Variants in KATNIP observed in about 807,000 individuals in gnomAD.
KATNIP encodes the protein katanin interacting protein.
Under a neutral mutation model 174.0 loss-of-function variants are expected in KATNIP, and 126 were observed. The ratio of observed to expected loss-of-function variants is 0.72; its 90% CI spans 0.63 to 0.84. The LOEUF (loss-of-function observed/expected upper bound fraction) is 0.84. Ranked by LOEUF, KATNIP falls within the 40% of genes least tolerant of loss-of-function variation. KATNIP has a pLI of 0.00. For missense variants in KATNIP, 1,958 were observed against 2,109.7 expected (o/e 0.93, Z 1.41); for synonymous variants, 810 against 835.7 (o/e 0.97, Z 0.53).
chr16:27,630,484 A>C (rs949087611), intron 4 of KATNIP, among the ~76,000 whole-genome samples: 1 of 152,248 alleles, frequency 6.6e-6, no homozygotes, highest in Non-Finnish European at 1.5e-5. Context: ...GAGCCACTAC[A>C]GTTGAACTCA....
intron 1 of KATNIP, among the ~76,000 whole-genome samples, chr16:27,559,436 C>G (rs1251193837): frequency 1.3e-5 from 2 of 150,842 alleles, no homozygotes; most frequent in Admixed American, 1.3e-4. Flanking sequence ...AGTCCTAGCA[C>G]TTTGGGAGGC....
intron 13 of KATNIP, among the ~76,000 whole-genome samples, chr16:27,715,433 C>T (rs189750090): frequency 3.3e-5 from 5 of 152,252 alleles, no homozygotes; most frequent in African/African-American, 7.2e-5. Flanking sequence ...CAAGAAAAAA[C>T]GGATAAGTCA....
rs2081078390 is a variant in KATNIP at position 27,740,845 on chromosome 16, C to T, written c.2548C>T (p.Pro850Ser). The change falls in exon 15 of 28, where the codon CCT becomes TCT. Residue 850 changes from proline to serine, a missense_variant. Around this residue, in one of 3 missense-constraint regions of KATNIP, gnomAD observed 1,557 missense variants for 1,617.8 expected, o/e 0.96. Transcript: ENST00000261588. ...TAACCAGCCCCCCAACAGAGAGCGC[C>T]CTGCTAGTGGGAGGAGGGGCTCAAG... ...IFNQPPNRER[P>S]ASGRRGSRKD... The T allele has an allele frequency of 4.3e-6, 7 of 1,612,678 alleles. No individual in the cohort carries two copies. Among genetic ancestry groups the T allele is most frequent in the Non-Finnish European group, 5.9e-6 (7 of 1,179,370 alleles).
intron 2 of KATNIP, among the ~76,000 whole-genome samples, chr16:27,606,732 C>CT (rs112061995): frequency 5.6e-4 from 81 of 144,572 alleles, no homozygotes; most frequent in East Asian, 6.0e-4. Flanking sequence ...ATTTTTCTAA[C>CT]TTTTTTTTTT....
rs1330865569 is a variant in KATNIP at position 27,777,902 on chromosome 16, T to C, written c.4734T>C (p.Asp1578=). 2 of 1,614,110 alleles carry C rather than the reference T, an allele frequency of 1.2e-6. No homozygotes were observed. The highest frequency in any genetic ancestry group is 1.3e-5 in the African/African-American group (1 of 74,952). ...TCAGTAATCAGGCCGAGGATCAAGA[T>C]GTCCAGATGATGAATGAAAACCAAA... ...TTISNQAEDQ[D]VQMMNENQII... The change falls in exon 27 of 28, where the codon GAT becomes GAC. Residue 1578 remains aspartate (D), a synonymous_variant. Coordinates refer to ENST00000261588, the MANE Select transcript of KATNIP (RefSeq NM_015202.5). The surrounding 1 kb of genome is among the most constrained non-coding windows in gnomAD (Gnocchi z 4.4).
intron 6 of KATNIP, among the ~76,000 whole-genome samples, chr16:27,661,003 G>C (rs1252532714): frequency 6.6e-6 from 1 of 152,196 alleles, no homozygotes; most frequent in African/African-American, 2.4e-5. Flanking sequence ...CAATGAGTGA[G>C]TGGTATAGCT....
chr16:27,759,197 A>G (rs1332732490), intron 18 of KATNIP, among the ~76,000 whole-genome samples: 1 of 152,226 alleles, frequency 6.6e-6, no homozygotes, highest in Non-Finnish European at 1.5e-5. Flanking sequence ...TCCTGGCCTC[A>G]GGGAACTTCC....
At chr16:27,607,001 A>G (rs542304735) in intron 2 of KATNIP, among the ~76,000 whole-genome samples, 3 of 152,102 alleles carry the variant, frequency 2.0e-5, no homozygotes, top group African/African-American at 7.2e-5. Context: ...GGCTCATATC[A>G]CTAGTAATTG....
intron 2 of KATNIP, among the ~76,000 whole-genome samples, chr16:27,613,305 G>A (rs965400705): frequency 1.3e-5 from 2 of 152,048 alleles, no homozygotes; most frequent in Non-Finnish European, 2.9e-5. Flanking sequence ...ATTTCACCAC[G>A]ATCCCTAGGT....
In KATNIP at chr16:27,780,210, C is replaced by T. The variant is rs969351718; in HGVS notation, c.*1581C>T. 4 of 152,258 alleles carry T rather than the reference C, an allele frequency of 2.6e-5. No homozygotes were observed. The highest frequency in any genetic ancestry group is 7.2e-5 in the African/African-American group (3 of 41,524). The allele number at this position is 152,258 out of a possible 1,614,324, so 9.4% of individuals were successfully genotyped here. A position where few individuals can be genotyped will look rare whatever the true frequency, so the allele number is the denominator to read the frequency against. The stretch of plus-strand genomic sequence containing the variant: ...AGATTTGTCAGGGAGATGGCACTAA[C>T]ACGACACAAGCTCACTCCCAGAACC... On this transcript the variant is annotated 3_prime_UTR_variant, in exon 28 of 28. Coordinates refer to ENST00000261588, the MANE Select transcript of KATNIP (RefSeq NM_015202.5).
Position 27,657,450 on chromosome 16 carries a change from G to A in KATNIP, c.540+8715G>A, listed in dbSNP as rs540686297. On this transcript the variant is annotated intron_variant, in intron 6 of 27. Transcript: ENST00000261588. Reference sequence around the variant, plus strand: ...AAAGAAGAAATAGAGAAAAATGGCCGGGCACAGTGGCTAACACCTATAATC... The same window carrying A: ...AAAGAAGAAATAGAGAAAAATGGCCAGGCACAGTGGCTAACACCTATAATC... Among the ~76,000 whole-genome samples the A allele has an allele frequency of 3.9e-5, 6 of 152,106 alleles. No homozygotes were observed. In the East Asian group the frequency reaches 9.7e-4, roughly 24 times the overall value.
intron 12 of KATNIP, among the ~76,000 whole-genome samples, chr16:27,706,328 C>T (rs1301278158): frequency 6.6e-6 from 1 of 152,188 alleles, no homozygotes; most frequent in Non-Finnish European, 1.5e-5. Context: ...GGGGTGCTTG[C>T]CTGTCACTGA....
intron 1 of KATNIP, among the ~76,000 whole-genome samples, chr16:27,567,243 T>G (rs1236660087): frequency 6.6e-6 from 1 of 152,188 alleles, no homozygotes; most frequent in African/African-American, 2.4e-5. Context: ...TATGTTATGT[T>G]TTTTACACAT....
At chr16:27,728,113 C>T (rs1011787834) in intron 14 of KATNIP, among the ~76,000 whole-genome samples, 1 of 152,292 alleles carries the variant, frequency 6.6e-6, no homozygotes. Flanking sequence ...CCTGATGGCT[C>T]TGCCCCATGG....
At chr16:27,762,194 G>A (rs1202537700) in intron 19 of KATNIP, among the ~76,000 whole-genome samples, 5 of 152,192 alleles carry the variant, frequency 3.3e-5, no homozygotes, top group African/African-American at 4.8e-5. Flanking sequence ...GGGTCTGGGC[G>A]CTGCTTAGAG....
chr16:27,679,537 T>G (rs775529992), intron 7 of KATNIP, among the ~76,000 whole-genome samples: 8 of 151,930 alleles, frequency 5.3e-5, no homozygotes, highest in Non-Finnish European at 1.2e-4. Flanking sequence ...GGAGGATCAC[T>G]TGAGTTCCAG....
intron 13 of KATNIP, among the ~76,000 whole-genome samples, chr16:27,721,123 T>C (rs1289595788): frequency 6.6e-6 from 1 of 152,224 alleles, no homozygotes; most frequent in African/African-American, 2.4e-5. Flanking sequence ...CTTTCTTTTC[T>C]ATTTTAAAAT....
chr16:27,677,487 G>A (rs150259357), intron 6 of KATNIP, among the ~76,000 whole-genome samples: 5 of 119,956 alleles, frequency 4.2e-5, no homozygotes, highest in African/African-American at 6.5e-5. Flanking sequence ...ACCTTCCCCC[G>A]GCATCTCCGG....
At chr16:27,592,810 C>T (rs542112273) in intron 2 of KATNIP, among the ~76,000 whole-genome samples, 2 of 152,322 alleles carry the variant, frequency 1.3e-5, no homozygotes, top group African/African-American at 4.8e-5. Flanking sequence ...CTGCCTCAAC[C>T]TCCCAAATTG....
Sources: allele counts gnomAD v4.1 joint callset (sites outside exome capture counted in the v4.1 genomes callset), GRCh38; gene constraint gnomAD v4.1.1; regional missense constraint gnomAD v4.1.1; non-coding constraint Gnocchi (gnomAD v3.1); transcripts MANE v1.5; gene names NCBI Gene and HGNC (gene_info 2026-07-23, HGNC 2026-07-21).